The following PTCD3 variants were observed in gnomAD, a reference collection of about 807,000 sequenced individuals.
The protein encoded by PTCD3 is pentatricopeptide repeat domain 3, also known as small ribosomal subunit protein mS39.
A neutral mutation model predicts 101.9 loss-of-function variants in PTCD3; 89 were observed. The ratio of observed to expected loss-of-function variants is 0.87; its 90% CI spans 0.74 to 1.04. The LOEUF (loss-of-function observed/expected upper bound fraction) is 1.04, where lower values mean the gene tolerates loss of function less well. PTCD3 is among the 50% of genes least tolerant of loss of function. The pLI is 0.00. For missense variants in PTCD3, 870 were observed against 828.2 expected, an observed-to-expected ratio of 1.05 and a Z score of -0.62; for synonymous variants, 296 against 278.5, an observed-to-expected ratio of 1.06 and a Z score of -0.63.
intron 21 of PTCD3, 133 bp from the exon 22 acceptor site, chr2:86,136,386 ATG>A (rs1573860353): frequency 1.2e-6 from 1 of 829,274 alleles, no homozygotes. Flanking sequence ...GAGCCCACAG[ATG>A]TGTGTCTTTG....
At chr2:86,106,826 G>A (rs1673962729) in intron 1 of PTCD3, among the ~76,000 whole-genome samples, 3 of 152,206 alleles carry the variant, frequency 2.0e-5, no homozygotes, top group Admixed American at 1.3e-4. Context: ...ATCTGACTAT[G>A]CCCTTTTGAT....
Position 86,132,670 on chromosome 2 carries a change from T to A in PTCD3, c.1373+246T>A, listed in dbSNP as rs545947006. ...ACACTGTAAAATCCACATATCTTTT[T>A]CCTCTACCCCCTCTCATTTTACATT... On this transcript the variant is annotated intron_variant, in intron 17 of 23. Transcript: ENST00000254630. 286 of 396,448 alleles carry A rather than the reference T, an allele frequency of 7.2e-4. 1 individual carries two copies. The highest frequency in any genetic ancestry group is 5.6e-3 in the African/African-American group (272 of 48,244). 24.6% of individuals were successfully genotyped at this position (396,448 alleles called of 1,614,324 possible).
At chr2:86,128,446 G>T (rs190968545) in intron 14 of PTCD3, among the ~76,000 whole-genome samples, 8 of 152,208 alleles carry the variant, frequency 5.3e-5, no homozygotes, top group Non-Finnish European at 1.0e-4. Context: ...GTTCTCTGGA[G>T]CTGTGCTATT....
chr2:86,131,127 A>T (rs1265390257), intron 16 of PTCD3, 21 bp downstream of exon 16: 4 of 1,566,548 alleles, frequency 2.6e-6, no homozygotes, highest in Non-Finnish European at 3.5e-6. Context: ...TTTCTTTATT[A>T]ATTTGCTATC....
At chr2:86,107,017 C>G in intron 1 of PTCD3, 1 of 417,218 alleles carries the variant, frequency 2.4e-6, no homozygotes, top group Non-Finnish European at 5.0e-6. Flanking sequence ...GACAGATTTC[C>G]TCATCTGCAG....
intron 6 of PTCD3, 128 bp downstream of exon 6, chr2:86,117,287 G>T (rs140444466): frequency 3.2e-4 from 166 of 515,776 alleles, no homozygotes; most frequent in African/African-American, 3.0e-3. Flanking sequence ...CTTTTAAAGT[G>T]TGGAGTTAGC....
At position 86,130,583 on chromosome 2, in the gene PTCD3, A is replaced by C. The variant is rs1280383302; in HGVS notation, c.1148-65A>C. 3.1e-5 allele frequency: 48 copies of C among 1,562,812 alleles called. No individual in the cohort carries two copies. The Admixed American group carries it at 8.4e-4, about 27-fold the overall frequency. ...AAGGAGAAATGTGTCCCTTTGTATT[A>C]GGTACAGTGAGTTTGGTGGTGGTAA... On this transcript the variant is annotated intron_variant, in intron 14 of 23. Coordinates refer to ENST00000254630, the MANE Select transcript of PTCD3 (RefSeq NM_017952.6).
intron 6 of PTCD3, among the ~76,000 whole-genome samples, chr2:86,117,404 C>G (rs1238955559): frequency 6.6e-6 from 1 of 151,320 alleles, no homozygotes; most frequent in Non-Finnish European, 1.5e-5. Context: ...GTCTTTAATT[C>G]TATGACTGAA....
chr2:86,126,645 A>C (rs993209866), intron 12 of PTCD3, among the ~76,000 whole-genome samples: 1 of 151,900 alleles, frequency 6.6e-6, no homozygotes, highest in African/African-American at 2.4e-5. Flanking sequence ...GACCAGCCTG[A>C]CTAACATGGT....
At chr2:86,121,803 T>C (rs987000323) in intron 8 of PTCD3, among the ~76,000 whole-genome samples, 4 of 152,260 alleles carry the variant, frequency 2.6e-5, no homozygotes, top group African/African-American at 9.6e-5. Context: ...TTTAACAATA[T>C]GTTGTCCTCA....
intron 4 of PTCD3, among the ~76,000 whole-genome samples, 177 bp from the exon 5 acceptor site, chr2:86,116,353 C>A (rs4832022): frequency 0.72 from 109,775 of 151,982 alleles, 42,047 homozygotes; most frequent in Non-Finnish European, 0.84. Context: ...TTGGGTGACA[C>A]AGCAAGACAC....
Position 86,125,794 on chromosome 2 carries a change from G to A in PTCD3, c.866-1G>A, listed in dbSNP as rs1159080335. The A allele has an allele frequency of 1.9e-6, 3 of 1,587,904 alleles. No homozygotes were observed. Among genetic ancestry groups the A allele is most frequent in the Non-Finnish European group, 2.6e-6 (3 of 1,162,164 alleles). On this transcript the variant is annotated splice_acceptor_variant, in intron 11 of 23. Coordinates refer to ENST00000254630, the MANE Select transcript of PTCD3 (RefSeq NM_017952.6). LOFTEE classifies it high-confidence loss of function. ...AATTTTATCATTTTATTATTTTACAGCTGATGTATACACATTTAATGCATT... is the reference window on the plus strand; with the variant it reads ...AATTTTATCATTTTATTATTTTACAACTGATGTATACACATTTAATGCATT...
intron 13 of PTCD3, 42 bp downstream of exon 13, chr2:86,127,347 C>T (rs763886199): frequency 3.1e-5 from 49 of 1,582,980 alleles, no homozygotes; most frequent in Non-Finnish European, 3.5e-5. Context: ...AGAGACTGTG[C>T]CAGCCAGAGG....
intron 11 of PTCD3, 129 bp downstream of exon 11, chr2:86,125,644 C>A: frequency 1.8e-6 from 2 of 1,135,788 alleles, no homozygotes; most frequent in Non-Finnish European, 1.3e-6. Flanking sequence ...ATGATTGAAG[C>A]AAGAGTAGAG....
At position 86,130,631 on chromosome 2, in the gene PTCD3, G is replaced by A; in HGVS notation, c.1148-17G>A. ...TAAAGGAAGTGGATTAAACACATTT[G>A]CTTTCTTGTTCTGCAGGAGACCCTT... is the stretch of plus-strand genomic sequence containing the variant. On this transcript the variant is annotated splice_polypyrimidine_tract_variant and intron_variant, in intron 14 of 23. Transcript: ENST00000254630. 6.2e-7 allele frequency: 1 copy of A among 1,604,146 alleles called. No individual in the cohort carries two copies. Among genetic ancestry groups the A allele is most frequent in the Non-Finnish European group, 8.5e-7 (1 of 1,175,366 alleles).
rs13393659 is a variant in PTCD3, at chr2:86,106,252, C to G, written c.5C>G (p.Ala2Gly). Reference protein sequence around the residue: MAVVSAVRWLGL... With the variant: MGVVSAVRWLGL... ...TGCTCTGCAGAGAAATCAAAGATGG[C>G]GGTTGTATCTGCTGTTCGCTGGCTG... The change falls in exon 1 of 24, where the codon GCG becomes GGG. Residue 2 changes from alanine (A) to glycine (G), a missense_variant. Physicochemically the swap from Ala to Gly is moderately conservative, Grantham distance 60. Transcript: ENST00000254630. 1 of 1,613,786 alleles carries G rather than the reference C, an allele frequency of 6.2e-7. No individual in the cohort carries two copies. Among genetic ancestry groups the G allele is most frequent in the Admixed American group, 1.7e-5 (1 of 60,002 alleles).
chr2:86,110,029 A>G (rs1047291186), intron 3 of PTCD3, among the ~76,000 whole-genome samples: 3 of 152,200 alleles, frequency 2.0e-5, no homozygotes, highest in Non-Finnish European at 4.4e-5. Flanking sequence ...TTAACGTGTA[A>G]TGTTCTAGTT....
chr2:86,117,968 G>A (rs60235051), intron 6 of PTCD3, among the ~76,000 whole-genome samples: 10,156 of 151,812 alleles, frequency 0.067, 1,136 homozygotes, highest in African/African-American at 0.23. Context: ...GTAGAGACGG[G>A]GTTTTACCAT....
chr2:86,131,256 T>A (rs1573857660), intron 16 of PTCD3, 150 bp downstream of exon 16: 1 of 655,430 alleles, frequency 1.5e-6, no homozygotes, highest in South Asian at 2.4e-5. Flanking sequence ...TAATTTTTTT[T>A]TTCTTTGAGA....
Sources: gnomAD v4.1 joint callset for allele counts (sites outside exome capture counted in the v4.1 genomes callset) on GRCh38, gnomAD v4.1.1 for gene constraint, MANE v1.5 for transcripts, NCBI Gene and HGNC (gene_info 2026-07-23, HGNC 2026-07-21) for gene names.